The following TMEM108 variants were observed in gnomAD, a reference collection of about 807,000 sequenced individuals.
TMEM108 encodes transmembrane protein 108, also known as cancer/testis antigen 124.
TMEM108 carries 12 observed loss-of-function variants against 35.1 expected under a neutral mutation model. That is an observed-to-expected ratio of 0.34 (90% CI 0.22 to 0.55). The LOEUF (loss-of-function observed/expected upper bound fraction) is 0.55, where lower values mean the gene tolerates loss of function less well. Ranked by LOEUF, TMEM108 falls within the 20% of genes least tolerant of loss-of-function variation. The pLI is 0.89. For missense variants in TMEM108, 680 were observed against 753.3 expected (o/e 0.90, Z 1.14); for synonymous variants, 287 against 308.6 (o/e 0.93, Z 0.73).
chr3:133,137,745 G>T (rs1297522061), intron 2 of TMEM108, among the ~76,000 whole-genome samples: 1 of 152,100 alleles, frequency 6.6e-6, no homozygotes, highest in African/African-American at 2.4e-5. Context: ...TTGACTAAAG[G>T]CTACGGATGG....
At chr3:133,056,244 G>A (rs908341821) in intron 2 of TMEM108, among the ~76,000 whole-genome samples, 7 of 149,632 alleles carry the variant, frequency 4.7e-5, no homozygotes, top group Non-Finnish European at 8.9e-5. Context: ...CTTTCTATGC[G>A]CAAACATCTT....
chr3:133,128,650 A>T (rs1377789926), intron 2 of TMEM108, among the ~76,000 whole-genome samples: 1 of 152,186 alleles, frequency 6.6e-6, no homozygotes, highest in African/African-American at 2.4e-5. Context: ...AAGTGAGAAC[A>T]TTAGACTAGA....
At chr3:133,236,131 T>G (rs1246075888) in intron 3 of TMEM108, among the ~76,000 whole-genome samples, 1 of 152,184 alleles carries the variant, frequency 6.6e-6, no homozygotes, top group African/African-American at 2.4e-5. Flanking sequence ...AAGCAGTGAT[T>G]ATGTTTTGTA....
At chr3:133,332,860 T>C (rs1266536924) in intron 3 of TMEM108, among the ~76,000 whole-genome samples, 1 of 152,226 alleles carries the variant, frequency 6.6e-6, no homozygotes. Context: ...GGAAGATAAA[T>C]TGACATACAG....
intron 3 of TMEM108, among the ~76,000 whole-genome samples, chr3:133,281,886 G>A (rs962076181): frequency 6.6e-6 from 1 of 152,190 alleles, no homozygotes; most frequent in Non-Finnish European, 1.5e-5. Context: ...GGCTGGGCTT[G>A]GTGGCTCAAG....
intron 2 of TMEM108, among the ~76,000 whole-genome samples, chr3:133,048,083 T>C (rs995405230): frequency 6.6e-6 from 1 of 152,110 alleles, no homozygotes; most frequent in East Asian, 1.9e-4. Flanking sequence ...ATGAAAACTT[T>C]CCTTTGCAAA....
intron 2 of TMEM108, among the ~76,000 whole-genome samples, chr3:133,132,129 C>T (rs368548479): frequency 2.4e-4 from 37 of 152,240 alleles, no homozygotes; most frequent in Admixed American, 5.9e-4. Context: ...TACCAAGTGA[C>T]GCAGCAAGTG....
At chr3:133,339,595 C>G (rs1268838474) in intron 3 of TMEM108, among the ~76,000 whole-genome samples, 2 of 151,802 alleles carry the variant, frequency 1.3e-5, no homozygotes, top group Non-Finnish European at 3.0e-5. Flanking sequence ...CACTATAAAC[C>G]AAATGAACTT....
intron 2 of TMEM108, among the ~76,000 whole-genome samples, chr3:133,108,190 C>G (rs1233227789): frequency 1.3e-5 from 2 of 152,096 alleles, no homozygotes; most frequent in Non-Finnish European, 2.9e-5. Context: ...AAGATCACAC[C>G]GCTGTACTCC....
chr3:133,051,378 C>T (rs764798787), intron 2 of TMEM108, among the ~76,000 whole-genome samples: 21 of 151,976 alleles, frequency 1.4e-4, no homozygotes, highest in African/African-American at 2.2e-4. Context: ...TTCTTACTGT[C>T]GACTTTTAAG....
At chr3:133,178,963 G>GA (rs1374338894) in intron 2 of TMEM108, among the ~76,000 whole-genome samples, 2 of 151,628 alleles carry the variant, frequency 1.3e-5, no homozygotes, top group African/African-American at 4.9e-5. Flanking sequence ...AAATTTACAA[G>GA]AAAAAAACAA....
At chr3:133,256,758 T>A (rs951834966) in intron 3 of TMEM108, among the ~76,000 whole-genome samples, 1 of 152,144 alleles carries the variant, frequency 6.6e-6, no homozygotes, top group African/African-American at 2.4e-5. Flanking sequence ...AAAATAGATA[T>A]AGAGAAATCT....
At chr3:133,238,505 T>C (rs1946270568) in intron 3 of TMEM108, among the ~76,000 whole-genome samples, 2 of 152,188 alleles carry the variant, frequency 1.3e-5, no homozygotes, top group Admixed American at 1.3e-4. Flanking sequence ...ACAGAATTAT[T>C]TGGATTGTGG....
intron 4 of TMEM108, chr3:133,387,986 T>C: frequency 2.0e-6 from 2 of 985,472 alleles, no homozygotes; most frequent in Non-Finnish European, 2.4e-6. Flanking sequence ...AGATACACTT[T>C]TCCCCTGCCA....
intron 2 of TMEM108, among the ~76,000 whole-genome samples, chr3:133,172,320 CAAGGCT>C (rs1344150983): frequency 6.6e-6 from 1 of 152,112 alleles, no homozygotes; most frequent in African/African-American, 2.4e-5. Context: ...TTACTGTTTA[CAAGGCT>C]AATATTTATG....
chr3:133,113,416 A>G (rs552132159), intron 2 of TMEM108, among the ~76,000 whole-genome samples: 1 of 152,214 alleles, frequency 6.6e-6, no homozygotes, highest in Non-Finnish European at 1.5e-5. Flanking sequence ...CAATCCTCAG[A>G]GGATAAGTGG....
intron 2 of TMEM108, among the ~76,000 whole-genome samples, chr3:133,163,489 T>C (rs1944990931): frequency 6.6e-6 from 1 of 152,032 alleles, no homozygotes; most frequent in Non-Finnish European, 1.5e-5. Flanking sequence ...CAGCAGAGAA[T>C]CATGAGTGAT....
intron 2 of TMEM108, among the ~76,000 whole-genome samples, chr3:133,205,843 C>T (rs1945745065): frequency 1.3e-5 from 2 of 152,246 alleles, no homozygotes; most frequent in East Asian, 3.9e-4. Flanking sequence ...GAATGTTGGC[C>T]TGTCTTGCTA....
intron 2 of TMEM108, among the ~76,000 whole-genome samples, chr3:133,209,208 A>ATT (rs10685541): frequency 0.32 from 46,114 of 144,322 alleles, 7,908 homozygotes; most frequent in East Asian, 0.47. Context: ...CACCTGGCTA[A>ATT]TTTTTTTTTT....
Sources: allele counts gnomAD v4.1 joint callset (sites outside exome capture counted in the v4.1 genomes callset), GRCh38; gene constraint gnomAD v4.1.1; transcripts MANE v1.5; gene names NCBI Gene and HGNC (gene_info 2026-07-23, HGNC 2026-07-21).